The following CORIN variants were observed in gnomAD, a reference collection of about 807,000 sequenced individuals.
CORIN encodes atrial natriuretic peptide-converting enzyme.
Under a neutral mutation model 125.3 loss-of-function variants are expected in CORIN, and 117 were observed. The ratio of observed to expected loss-of-function variants is 0.93; its 90% CI spans 0.80 to 1.09. CORIN has a LOEUF of 1.09. CORIN is among the 50% of genes least tolerant of loss of function. CORIN has a pLI of 0.00. For synonymous variants in CORIN, 450 were observed against 466.4 expected, an observed-to-expected ratio of 0.96 and a Z score of 0.45; for missense variants, 1,253 against 1,306.7, an observed-to-expected ratio of 0.96 and a Z score of 0.63.
intron 4 of CORIN, among the ~76,000 whole-genome samples, chr4:47,747,595 C>T (rs1728717456): frequency 6.6e-6 from 1 of 152,066 alleles, no homozygotes; most frequent in African/African-American, 2.4e-5. Flanking sequence ...AAGTTTCATA[C>T]AGGAGGCCAG....
rs369280789 is a variant in CORIN, at chr4:47,638,718, C to T, written c.2198+3202G>A. 5.2e-4 allele frequency among the ~76,000 whole-genome samples: 79 copies of T among 152,224 alleles called. 1 individual carries two copies. The East Asian group carries it at 0.014, about 28-fold the overall frequency. ...TTAAACCTCTTTTTCTTCCCAGTCTCGGGTATGTCTTTATTAGCAGCATAA... is the reference window on the plus strand; with the variant it reads ...TTAAACCTCTTTTTCTTCCCAGTCTTGGGTATGTCTTTATTAGCAGCATAA... On this transcript the variant is annotated intron_variant, in intron 16 of 21. Coordinates refer to ENST00000273857, the MANE Select transcript of CORIN (RefSeq NM_006587.4).
chr4:47,698,142 C>T (rs1474884889), intron 5 of CORIN, among the ~76,000 whole-genome samples: 9 of 151,740 alleles, frequency 5.9e-5, no homozygotes, highest in Admixed American at 4.6e-4. Flanking sequence ...TCTAGAATGA[C>T]AAACTATATC....
chr4:47,674,286 C>CT, intron 10 of CORIN, 107 bp downstream of exon 10: 3 of 792,756 alleles, frequency 3.8e-6, no homozygotes, highest in Non-Finnish European at 6.4e-6. Flanking sequence ...AATAGGTAGG[C>CT]TTTTTTGGAG....
At chr4:47,659,862 G>C (rs1241714129) in intron 12 of CORIN, among the ~76,000 whole-genome samples, 1 of 152,150 alleles carries the variant, frequency 6.6e-6, no homozygotes, top group Non-Finnish European at 1.5e-5. Context: ...AATTCATATG[G>C]AATCACAAAA....
chr4:47,667,186 C>T (rs974813395), intron 10 of CORIN, among the ~76,000 whole-genome samples: 1 of 152,140 alleles, frequency 6.6e-6, no homozygotes, highest in Admixed American at 6.5e-5. Flanking sequence ...GTGAGACGTG[C>T]CTTTTACCTT....
At chr4:47,681,300 C>T (rs1725267507) in intron 7 of CORIN, 1 of 152,278 alleles carries the variant, frequency 6.6e-6, no homozygotes, top group Admixed American at 6.5e-5. Context: ...ATAAGAAGTG[C>T]TTGGGCAGGA....
chr4:47,808,969 C>A (rs1037951533), intron 1 of CORIN, among the ~76,000 whole-genome samples: 2 of 152,108 alleles, frequency 1.3e-5, no homozygotes, highest in African/African-American at 4.8e-5. Context: ...AAATGATAAG[C>A]ACCATGACAC....
At chr4:47,689,590 AG>A (rs567527296) in intron 6 of CORIN, among the ~76,000 whole-genome samples, 333 of 152,332 alleles carry the variant, frequency 2.2e-3, no homozygotes, top group African/African-American at 7.8e-3. Flanking sequence ...ACTTTGTGGC[AG>A]CTATTTCACT....
intron 2 of CORIN, among the ~76,000 whole-genome samples, chr4:47,802,628 T>C (rs972275375): frequency 5.3e-5 from 8 of 152,180 alleles, no homozygotes; most frequent in Non-Finnish European, 1.2e-4. Flanking sequence ...CTAAGGTTTT[T>C]TACTTCAATC....
chr4:47,767,068 A>G (rs915556962), intron 3 of CORIN, among the ~76,000 whole-genome samples: 3 of 152,178 alleles, frequency 2.0e-5, no homozygotes, highest in Admixed American at 6.5e-5. Context: ...GCATAAACTC[A>G]TAACAGCAAA....
rs532242474 is a variant in CORIN at position 47,814,468 on chromosome 4, A to T, written c.64-7421T>A. Among the ~76,000 whole-genome samples the T allele has an allele frequency of 9.8e-5, 15 of 152,314 alleles. No homozygotes were observed. In the East Asian group the frequency reaches 2.7e-3, roughly 27 times the overall value. ...ATTGTTACCCCCTCATTTAAGATGA[A>T]AAATGGACAGTGCTAGATGCTTCCC... On this transcript the variant is annotated intron_variant, in intron 1 of 21. Transcript: ENST00000273857.
intron 6 of CORIN, among the ~76,000 whole-genome samples, chr4:47,688,609 A>G (rs538094440): frequency 1.1e-3 from 174 of 152,310 alleles, no homozygotes; most frequent in African/African-American, 4.0e-3. Context: ...CTCAAAAAAA[A>G]ATTTTAAAAA....
At chr4:47,827,318 TA>T (rs903203470) in intron 1 of CORIN, among the ~76,000 whole-genome samples, 18 of 151,906 alleles carry the variant, frequency 1.2e-4, no homozygotes, top group African/African-American at 2.2e-4. Context: ...AGCGTAACAA[TA>T]AAAAAAATAC....
intron 5 of CORIN, among the ~76,000 whole-genome samples, chr4:47,713,840 C>CT (rs1241013246): frequency 2.0e-5 from 3 of 150,486 alleles, no homozygotes; most frequent in Admixed American, 6.6e-5. Flanking sequence ...CTCAGGGAAT[C>CT]TTTTTTTTTA....
At chr4:47,706,641 C>G in intron 5 of CORIN, 1 of 1,608,498 alleles carries the variant, frequency 6.2e-7, no homozygotes, top group South Asian at 1.1e-5. Flanking sequence ...ATGGTGTTAA[C>G]CAGCTAAAAT....
In CORIN at chr4:47,706,100, A is replaced by G. The variant is rs371451397; in HGVS notation, c.800-13017T>C. 9.2e-5 allele frequency among the ~76,000 whole-genome samples: 14 copies of G among 152,272 alleles called. No homozygotes were observed. The South Asian group carries it at 1.9e-3, about 20-fold the overall frequency. On this transcript the variant is annotated intron_variant, in intron 5 of 21. Transcript: ENST00000273857. Reference sequence around the variant, plus strand: ...TTTTGTTTCAAATGGCTTTTTATACATTTTTACTACTAATTTGTACATAAT... The same window carrying G: ...TTTTGTTTCAAATGGCTTTTTATACGTTTTTACTACTAATTTGTACATAAT...
At chr4:47,823,292 G>A (rs1732600829) in intron 1 of CORIN, among the ~76,000 whole-genome samples, 1 of 152,130 alleles carries the variant, frequency 6.6e-6, no homozygotes, top group Non-Finnish European at 1.5e-5. Flanking sequence ...CATTCTTTGA[G>A]CACTTCCTTG....
intron 5 of CORIN, among the ~76,000 whole-genome samples, chr4:47,735,069 G>T (rs1448096732): frequency 3.3e-5 from 5 of 152,212 alleles, no homozygotes; most frequent in African/African-American, 1.2e-4. Flanking sequence ...TACATTAGTT[G>T]TATTTATAAA....
At chr4:47,732,267 C>T (rs1360904289) in intron 5 of CORIN, among the ~76,000 whole-genome samples, 1 of 152,096 alleles carries the variant, frequency 6.6e-6, no homozygotes, top group Non-Finnish European at 1.5e-5. Flanking sequence ...TGCTAGAAAC[C>T]AAAGGCAAAG....
Sources: gnomAD v4.1 joint callset for allele counts (sites outside exome capture counted in the v4.1 genomes callset) on GRCh38, gnomAD v4.1.1 for gene constraint, MANE v1.5 for transcripts, NCBI Gene and HGNC (gene_info 2026-07-23, HGNC 2026-07-21) for gene names.